The following EVI5 variants were observed in gnomAD, a reference collection of about 807,000 sequenced individuals.
The protein encoded by EVI5 is ecotropic viral integration site 5, also known as ecotropic viral integration site 5 protein homolog.
A neutral mutation model predicts 112.0 loss-of-function variants in EVI5; 73 were observed. The ratio of observed to expected loss-of-function variants is 0.65; its 90% CI spans 0.54 to 0.79. EVI5 has a LOEUF of 0.79. EVI5 is among the 30% of genes least tolerant of loss of function. The pLI is 0.00. For missense variants in EVI5, 900 were observed against 968.8 expected (o/e 0.93, Z 0.94); for synonymous variants, 305 against 319.9 (o/e 0.95, Z 0.50).
intron 19 of EVI5, among the ~76,000 whole-genome samples, chr1:92,532,458 C>G (rs1279291076): frequency 6.6e-6 from 1 of 152,164 alleles, no homozygotes; most frequent in African/African-American, 2.4e-5. Context: ...ACAGAACTCT[C>G]CACTCCAAAT....
intron 1 of EVI5, among the ~76,000 whole-genome samples, chr1:92,781,861 GGA>G (rs1335780529): frequency 1.3e-5 from 2 of 149,846 alleles, no homozygotes; most frequent in African/African-American, 4.9e-5. Flanking sequence ...GGTTAAGGCA[GGA>G]GGAATACCTG....
chr1:92,727,667 T>A (rs1326940646), intron 2 of EVI5, among the ~76,000 whole-genome samples: 1 of 152,078 alleles, frequency 6.6e-6, no homozygotes, highest in African/African-American at 2.4e-5. Context: ...AGACAAAGAT[T>A]GTCAGATTGT....
At chr1:92,639,879 C>T (rs1433771056) in intron 13 of EVI5, among the ~76,000 whole-genome samples, 2 of 152,158 alleles carry the variant, frequency 1.3e-5, no homozygotes, top group Non-Finnish European at 2.9e-5. Flanking sequence ...TACTACAAGG[C>T]TACAGTAACC....
chr1:92,666,045 G>A, intron 10 of EVI5, 53 bp from the exon 11 acceptor site: 3 of 1,179,464 alleles, frequency 2.5e-6, no homozygotes, highest in Non-Finnish European at 3.7e-6. Flanking sequence ...GGAAAAAAAA[G>A]ATTTCTAAAT....
chr1:92,612,245 T>A (rs1651997214), intron 16 of EVI5, among the ~76,000 whole-genome samples: 1 of 145,232 alleles, frequency 6.9e-6, no homozygotes, highest in African/African-American at 2.6e-5. Context: ...ACAGAGAAAG[T>A]GAAAGAAAAA....
chr1:92,590,861 G>A (rs904609632), intron 18 of EVI5, among the ~76,000 whole-genome samples: 30 of 152,226 alleles, frequency 2.0e-4, no homozygotes, highest in African/African-American at 7.0e-4. Context: ...GGCAGCCAGA[G>A]AGAAAGGTCG....
intron 2 of EVI5, among the ~76,000 whole-genome samples, chr1:92,718,400 G>C (rs917933061): frequency 2.6e-5 from 4 of 151,904 alleles, no homozygotes; most frequent in African/African-American, 9.7e-5. Context: ...CACTCAAAAC[G>C]CACAATTATA....
chr1:92,616,710 C>T (rs1335173572), intron 16 of EVI5, among the ~76,000 whole-genome samples: 1 of 152,202 alleles, frequency 6.6e-6, no homozygotes, highest in African/African-American at 2.4e-5. Context: ...CAGATAACTA[C>T]TCTCCTTTTG....
intron 19 of EVI5, among the ~76,000 whole-genome samples, chr1:92,558,097 T>G (rs188914397): frequency 4.6e-5 from 7 of 152,218 alleles, no homozygotes; most frequent in Non-Finnish European, 8.8e-5. Context: ...AAAATCTGAT[T>G]TAAATAACTA....
In EVI5 at chr1:92,702,187, C is replaced by T; in HGVS notation, c.593G>A (p.Gly198Asp). 1 of 1,513,912 alleles carries T rather than the reference C, an allele frequency of 6.6e-7. No individual in the cohort carries two copies. Among genetic ancestry groups the T allele is most frequent in the Non-Finnish European group, 8.8e-7 (1 of 1,136,616 alleles). 93.8% of individuals were successfully genotyped at this position (1,513,912 alleles called of 1,614,324 possible). A position where few individuals can be genotyped will look rare whatever the true frequency, so the allele number is the denominator to read the frequency against. ...TATAAAAGCACTTCCTTGACAGTAA[C>T]CAACCTCACGATCTACTAAAGAGTA... Reference protein sequence around the residue: ...KAYSLVDREVGYCQGSAFIVG... With the variant: ...KAYSLVDREVDYCQGSAFIVG... Residue 198 changes from glycine to aspartate, a missense_variant, in exon 5 of 20, where the codon GGT becomes GAT. Coordinates refer to ENST00000684568, the MANE Select transcript of EVI5 (RefSeq NM_001350197.2).
intron 2 of EVI5, among the ~76,000 whole-genome samples, chr1:92,713,079 G>A (rs561680284): frequency 1.3e-5 from 2 of 152,012 alleles, no homozygotes; most frequent in East Asian, 1.9e-4. Flanking sequence ...TGAGCCACCA[G>A]GCCCAGCCTG....
intron 16 of EVI5, among the ~76,000 whole-genome samples, chr1:92,612,709 C>CAAAA (rs368453488): frequency 1.3e-5 from 1 of 78,958 alleles, no homozygotes; most frequent in East Asian, 3.4e-4. Context: ...GACTCCATCT[C>CAAAA]AAAAAAAAAA....
intron 10 of EVI5, among the ~76,000 whole-genome samples, chr1:92,676,254 G>A (rs548078762): frequency 4.6e-5 from 7 of 152,150 alleles, no homozygotes; most frequent in Admixed American, 4.6e-4. Flanking sequence ...TAGTTTAACA[G>A]AACCCATTTC....
chr1:92,737,857 C>A (rs1424175591), intron 1 of EVI5, among the ~76,000 whole-genome samples: 1 of 152,196 alleles, frequency 6.6e-6, no homozygotes, highest in Admixed American at 6.5e-5. Context: ...GATTCCATTA[C>A]AAGTGCTGAA....
In EVI5 at chr1:92,736,398, C is replaced by T; in HGVS notation, c.149G>A (p.Arg50Lys). The T allele has an allele frequency of 6.3e-7, 1 of 1,589,084 alleles. No individual in the cohort carries two copies. Among genetic ancestry groups the T allele is most frequent in the East Asian group, 2.2e-5 (1 of 44,732 alleles). ...ELLAKLEEQN[R>K]LLETDSKSLR... Reference sequence around the variant, plus strand: ...AAAAAAGCTAAGCAACCTCACTCACCTATTCTGTTCTTCCAGTTTAGCCAG... The same window carrying T: ...AAAAAAGCTAAGCAACCTCACTCACTTATTCTGTTCTTCCAGTTTAGCCAG... The change falls in exon 2 of 20, where the codon AGA (arginine) becomes AAA (lysine). Residue 50 changes from arginine (R) to lysine (K), a missense_variant and splice_region_variant. Coordinates refer to ENST00000684568, the MANE Select transcript of EVI5 (RefSeq NM_001350197.2).
At chr1:92,687,127 T>C (rs540696959) in intron 9 of EVI5, among the ~76,000 whole-genome samples, 3 of 152,288 alleles carry the variant, frequency 2.0e-5, no homozygotes, top group African/African-American at 7.2e-5. Flanking sequence ...TCACGCTACC[T>C]GACTTCAAAC....
intron 1 of EVI5, among the ~76,000 whole-genome samples, chr1:92,748,326 C>A (rs1679629753): frequency 6.6e-6 from 1 of 152,154 alleles, no homozygotes; most frequent in South Asian, 2.1e-4. Flanking sequence ...GAGGTTCCAG[C>A]CTCAACCACC....
At chr1:92,769,579 T>C (rs1330953613) in intron 1 of EVI5, among the ~76,000 whole-genome samples, 1 of 152,060 alleles carries the variant, frequency 6.6e-6, no homozygotes, top group Non-Finnish European at 1.5e-5. Flanking sequence ...TTTGCAGCTA[T>C]GATTAAGTTA....
chr1:92,719,056 C>T (rs535098207), intron 2 of EVI5, among the ~76,000 whole-genome samples: 18 of 152,044 alleles, frequency 1.2e-4, no homozygotes, highest in African/African-American at 4.3e-4. Context: ...ATAATTAATA[C>T]CCTACCAACG....
Sources: allele counts gnomAD v4.1 joint callset (sites outside exome capture counted in the v4.1 genomes callset), GRCh38; gene constraint gnomAD v4.1.1; transcripts MANE v1.5; gene names NCBI Gene and HGNC (gene_info 2026-07-23, HGNC 2026-07-21).